The following AFAP1 variants were observed in gnomAD, a reference collection of about 807,000 sequenced individuals.
AFAP1 encodes the protein actin filament-associated protein 1.
AFAP1 carries 75 observed loss-of-function variants against 93.9 expected under a neutral mutation model. The observed-to-expected ratio is 0.80, with a 90% confidence interval of 0.66 to 0.97. AFAP1 has a LOEUF of 0.97. AFAP1 is among the 50% of genes least tolerant of loss of function. The probability of loss-of-function intolerance (pLI) is 0.00; values close to 1 mark genes in which losing one functional copy is unlikely to be tolerated. For missense variants in AFAP1, 1,201 were observed against 1,050.8 expected (o/e 1.14, Z -1.98); for synonymous variants, 517 against 430.7 (o/e 1.20, Z -2.48).
intron 1 of AFAP1, among the ~76,000 whole-genome samples, chr4:7,919,035 G>A (rs6853997): frequency 0.21 from 17,728 of 84,470 alleles, 453 homozygotes; most frequent in African/African-American, 0.33. Context: ...CAGGTCACCA[G>A]GAAACAGGGC....
intron 17 of AFAP1, among the ~76,000 whole-genome samples, chr4:7,768,470 A>G (rs1169779662): frequency 6.6e-6 from 1 of 152,062 alleles, no homozygotes; most frequent in East Asian, 1.9e-4. Context: ...TGTTTTTCTA[A>G]AGAATCACAC....
chr4:7,852,702 G>A (rs916220829), intron 4 of AFAP1, among the ~76,000 whole-genome samples: 1 of 152,082 alleles, frequency 6.6e-6, no homozygotes, highest in African/African-American at 2.4e-5. Flanking sequence ...GATGGAGGTG[G>A]TAAATTCTAG....
chr4:7,766,861 C>T (rs1376109405), intron 17 of AFAP1, among the ~76,000 whole-genome samples: 2 of 152,156 alleles, frequency 1.3e-5, no homozygotes, highest in Admixed American at 6.5e-5. Flanking sequence ...GATTGGAAGC[C>T]GTCTGACTTT....
At chr4:7,902,516 C>T (rs1016338346) in intron 1 of AFAP1, among the ~76,000 whole-genome samples, 1 of 152,090 alleles carries the variant, frequency 6.6e-6, no homozygotes, top group Admixed American at 6.5e-5. Flanking sequence ...TTTTTTTCCC[C>T]TTGTTCTAAA....
intron 13 of AFAP1, 60 bp from the exon 14 acceptor site, chr4:7,778,936 C>CA: frequency 8.9e-7 from 1 of 1,125,870 alleles, no homozygotes. Context: ...AAATCTTGGT[C>CA]TTTTTTTTTT....
At chr4:7,921,376 G>A (rs905992970) in intron 1 of AFAP1, among the ~76,000 whole-genome samples, 6 of 151,816 alleles carry the variant, frequency 4.0e-5, no homozygotes, top group Non-Finnish European at 8.8e-5. Context: ...CAGAGACAGG[G>A]GTTTCACCAC....
rs1715312253 is a variant in AFAP1, at chr4:7,858,416, C to T, written c.226-2842G>A. 2.0e-5 allele frequency among the ~76,000 whole-genome samples: 3 copies of T among 152,138 alleles called. No homozygotes were observed. In the South Asian group the frequency reaches 6.2e-4, roughly 32 times the overall value. On this transcript the variant is annotated intron_variant, in intron 3 of 17. Transcript: ENST00000420658. ...AAAGAATCACTCCACTCTCAAATAC[C>T]ACTTATCCTTGAAATCGGCCACAGG... is the stretch of plus-strand genomic sequence containing the variant.
chr4:7,913,793 A>G (rs1719908378), intron 1 of AFAP1, among the ~76,000 whole-genome samples: 1 of 152,220 alleles, frequency 6.6e-6, no homozygotes, highest in Non-Finnish European at 1.5e-5. Flanking sequence ...CCTGAAGCCA[A>G]GTTTAGTTAA....
intron 1 of AFAP1, among the ~76,000 whole-genome samples, chr4:7,884,166 C>CA (rs1478449086): frequency 6.6e-6 from 1 of 152,206 alleles, no homozygotes; most frequent in African/African-American, 2.4e-5. Flanking sequence ...CTCCCCCCTT[C>CA]ACCTTCCACC....
rs779502658 is a variant in AFAP1, at chr4:7,868,685, C to G, written c.162G>C (p.Glu54Asp). ...FDVKDHAQKQ[E>D]TANSLPAPPQ... ...GAGGGGCTGGCAGGCTGTTAGCGGT[C>G]TCCTGCTTCTGAGCATGGTCCTTCA... The change falls in exon 3 of 18, where the codon GAG (glutamate) becomes GAC (aspartate). Residue 54 changes from glutamate to aspartate, a missense_variant. Coordinates refer to ENST00000420658, the MANE Select transcript of AFAP1 (RefSeq NM_001134647.2). 4 of 1,613,530 alleles carry G rather than the reference C, an allele frequency of 2.5e-6. No individual in the cohort carries two copies. In the South Asian group the frequency reaches 3.3e-5, roughly 13 times the overall value.
In AFAP1 at chr4:7,760,049, CAG is replaced by C. The variant is rs1305193015; in HGVS notation, c.*3714_*3715del. 6.6e-6 allele frequency: 1 copy of C among 152,220 alleles called. No homozygotes were observed. Among genetic ancestry groups the C allele is most frequent in the African/African-American group, 2.4e-5 (1 of 41,454 alleles). The allele number at this position is 152,220 out of a possible 1,614,324, so 9.4% of individuals were successfully genotyped here. On this transcript the variant is annotated 3_prime_UTR_variant, in exon 18 of 18. Transcript: ENST00000420658. ...TGGAAAGGGAAGGTGTGGCCACAAA[CAG>C]GGGAGCTTTGCTCACAACCCTACAC... is the stretch of plus-strand genomic sequence containing the variant.
intron 4 of AFAP1, among the ~76,000 whole-genome samples, chr4:7,851,349 G>A (rs1366249936): frequency 5.9e-5 from 9 of 152,292 alleles, no homozygotes; most frequent in East Asian, 5.8e-4. Flanking sequence ...AGATGTGAGC[G>A]AGCAAGCAGC....
chr4:7,809,495 T>G, intron 9 of AFAP1, 119 bp downstream of exon 9: 2 of 1,209,420 alleles, frequency 1.7e-6, no homozygotes, highest in Non-Finnish European at 2.3e-6. Context: ...TGATTCCAAG[T>G]CCAATGCAAA....
intron 1 of AFAP1, among the ~76,000 whole-genome samples, chr4:7,916,939 T>A (rs114328013): frequency 6.6e-6 from 1 of 152,200 alleles, no homozygotes; most frequent in Non-Finnish European, 1.5e-5. Context: ...ATGTATTCAC[T>A]GAATGCACTA....
At chr4:7,842,903 C>G in intron 5 of AFAP1, 1 of 517,314 alleles carries the variant, frequency 1.9e-6, no homozygotes. Context: ...TGATTTTGTT[C>G]GCTGGCTGCT....
chr4:7,839,411 T>G (rs1712720752), intron 5 of AFAP1, among the ~76,000 whole-genome samples: 1 of 151,922 alleles, frequency 6.6e-6, no homozygotes, highest in African/African-American at 2.4e-5. Context: ...TTTATTTAAA[T>G]GTATATATAA....
At chr4:7,842,301 C>CAAAAAAAAAAAAAA (rs57050150) in intron 5 of AFAP1, among the ~76,000 whole-genome samples, 4 of 94,896 alleles carry the variant, frequency 4.2e-5, no homozygotes, top group East Asian at 5.9e-4. Flanking sequence ...CCTGGATTTA[C>CAAAAAAAAAAAAAA]AAAAAAAAAA....
rs2148930124 is a variant in AFAP1 at position 7,762,280 on chromosome 4, T to TCTC, written c.*1482_*1484dup. The TCTC allele has an allele frequency of 6.6e-6, 1 of 152,310 alleles. No individual in the cohort carries two copies. Among genetic ancestry groups the TCTC allele is most frequent in the East Asian group, 1.9e-4 (1 of 5,178 alleles). The allele number at this position is 152,310 out of a possible 1,614,324, so 9.4% of individuals were successfully genotyped here. A position where few individuals can be genotyped will look rare whatever the true frequency, so the allele number is the denominator to read the frequency against. ...GGAGTCAGTCAGTGTTTTCCCGCCA[T>TCTC]CTCTTCCTCTGTGTGAAAAAGGACA... On this transcript the variant is annotated 3_prime_UTR_variant, in exon 18 of 18. Transcript: ENST00000420658.
At chr4:7,931,306 G>A (rs1427783241) in intron 1 of AFAP1, among the ~76,000 whole-genome samples, 2 of 152,194 alleles carry the variant, frequency 1.3e-5, no homozygotes, top group African/African-American at 4.8e-5. Flanking sequence ...CTGTATGCCT[G>A]TACACCTTTG....
Sources: gnomAD v4.1 joint callset for allele counts (sites outside exome capture counted in the v4.1 genomes callset) on GRCh38, gnomAD v4.1.1 for gene constraint, MANE v1.5 for transcripts, NCBI Gene and HGNC (gene_info 2026-07-23, HGNC 2026-07-21) for gene names.